PMS1: variants seen among roughly 807,000 people sequenced by gnomAD.
PMS1 encodes PMS1 protein homolog 1.
A neutral mutation model predicts 93.1 loss-of-function variants in PMS1; 79 were observed. The observed-to-expected ratio is 0.85, with a 90% CI of 0.71 to 1.02. The LOEUF (loss-of-function observed/expected upper bound fraction) is 1.02. PMS1 is among the 50% of genes least tolerant of loss of function. PMS1 has a pLI of 0.00. For missense variants in PMS1, 1,064 were observed against 1,085.3 expected (o/e 0.98, Z 0.28); for synonymous variants, 335 against 363.4 (o/e 0.92, Z 0.89).
At position 189,877,353 on chromosome 2, in the gene PMS1, C is replaced by G; in HGVS notation, c.2716C>G (p.His906Asp). The G allele has an allele frequency of 6.2e-7, 1 of 1,612,544 alleles. No individual in the cohort carries two copies. Among genetic ancestry groups the G allele is most frequent in the Admixed American group, 1.7e-5 (1 of 60,018 alleles). Residue 906 changes from histidine (H) to aspartate (D), a missense_variant, in exon 13 of 13, where the codon CAC becomes GAC. Transcript: ENST00000441310. The stretch of plus-strand genomic sequence containing the variant: ...CCAAGACATTATCTACAGAATGAAG[C>G]ACCAGTTTGGAAATGAAATTAAAGA... The part of the protein sequence containing the change: ...DIQDIIYRMK[H>D]QFGNEIKECV...
chr2:189,821,108 G>GGAAAAATAGAT (rs2051815920), intron 5 of PMS1, among the ~76,000 whole-genome samples: 1 of 151,822 alleles, frequency 6.6e-6, no homozygotes, highest in Admixed American at 6.6e-5. Context: ...TAATTAGGAA[G>GGAAAAATAGAT]GAAAAATAGA....
At chr2:189,796,312 C>G (rs1413146418) in intron 3 of PMS1, among the ~76,000 whole-genome samples, 1 of 152,236 alleles carries the variant, frequency 6.6e-6, no homozygotes, top group Middle Eastern at 3.4e-3. Flanking sequence ...GACCCGAGAT[C>G]ATGCCACTGC....
chr2:189,803,034 C>T (rs2050029763), intron 3 of PMS1, among the ~76,000 whole-genome samples: 1 of 152,104 alleles, frequency 6.6e-6, no homozygotes, highest in Admixed American at 6.5e-5. Context: ...CTTGCACAGG[C>T]AGGCAGGCAT....
At chr2:189,826,078 A>T (rs970754975) in intron 5 of PMS1, among the ~76,000 whole-genome samples, 2 of 152,198 alleles carry the variant, frequency 1.3e-5, no homozygotes, top group African/African-American at 4.8e-5. Flanking sequence ...CCCTGCACTC[A>T]TGATATTCTC....
chr2:189,854,083 G>T lies in PMS1; in HGVS notation c.966+1G>T. Reference sequence around the variant, plus strand: ...AAGCCAAGTATTATTACAAAATAAGGTAACTCTTTTCAGATAATTTTTTCT... The same window carrying T: ...AAGCCAAGTATTATTACAAAATAAGTTAACTCTTTTCAGATAATTTTTTCT... On this transcript the variant is annotated splice_donor_variant, in intron 8 of 12. Coordinates refer to ENST00000441310, the MANE Select transcript of PMS1 (RefSeq NM_000534.5). LOFTEE classifies it high-confidence loss of function. 1 of 1,577,072 alleles carries T rather than the reference G, an allele frequency of 6.3e-7. No individual in the cohort carries two copies. The highest frequency in any genetic ancestry group is 8.7e-7 in the Non-Finnish European group (1 of 1,155,090).
At chr2:189,807,963 G>A (rs754702856) in intron 4 of PMS1, among the ~76,000 whole-genome samples, 1 of 151,764 alleles carries the variant, frequency 6.6e-6, no homozygotes, top group Non-Finnish European at 1.5e-5. Context: ...TGTTCTTGGT[G>A]GACATATTAT....
rs1253993606 is a variant in PMS1, at chr2:189,864,711, T to A, written c.2342+483T>A. ...AAATATATATATATATATATATATA[T>A]ATATATATATATATATATATATATG... is the stretch of plus-strand genomic sequence containing the variant. On this transcript the variant is annotated intron_variant, in intron 10 of 12. Transcript: ENST00000441310. 1.3e-3 allele frequency among the ~76,000 whole-genome samples: 76 copies of A among 58,870 alleles called. 5 individuals carry two copies. The highest frequency in any genetic ancestry group is 3.4e-3 in the East Asian group (6 of 1,776). 38.6% of individuals were successfully genotyped at this position (58,870 alleles called of 152,430 possible).
At chr2:189,805,519 C>G (rs899257608) in intron 3 of PMS1, 133 bp from the exon 4 acceptor site, 1 of 766,004 alleles carries the variant, frequency 1.3e-6, no homozygotes, top group Non-Finnish European at 2.2e-6. Context: ...TACAAAAGAA[C>G]TGGTCACAAA....
At position 189,818,072 on chromosome 2, in the gene PMS1, T is replaced by A. The variant is rs369474547; in HGVS notation, c.474T>A (p.Phe158Leu). The change falls in exon 5 of 13, where the codon TTT (phenylalanine) becomes TTA (leucine). Residue 158 changes from phenylalanine (F) to leucine (L), a missense_variant. Coordinates refer to ENST00000441310, the MANE Select transcript of PMS1 (RefSeq NM_000534.5). Reference sequence around the variant, plus strand: ...AGAATCTACCTGTAAGAAAGCAGTTTTACTCAACTGCAAAAAAATGTAAAG... The same window carrying A: ...AGAATCTACCTGTAAGAAAGCAGTTATACTCAACTGCAAAAAAATGTAAAG... ...LFKNLPVRKQ[F>L]YSTAKKCKDE... 5.0e-6 allele frequency: 8 copies of A among 1,605,028 alleles called. No homozygotes were observed. Among genetic ancestry groups the A allele is most frequent in the Non-Finnish European group, 6.8e-6 (8 of 1,172,104 alleles).
Position 189,854,974 on chromosome 2 carries a change from A to C in PMS1, c.1702A>C (p.Asn568His), listed in dbSNP as rs1306259431. 4.3e-6 allele frequency: 7 copies of C among 1,613,198 alleles called. No individual in the cohort carries two copies. In the East Asian group the frequency reaches 1.6e-4, roughly 36 times the overall value. Residue 568 changes from asparagine (N) to histidine (H), a missense_variant, in exon 9 of 13, where the codon AAT becomes CAT. By Grantham distance (68) the Asn-to-His change is moderately conservative. Coordinates refer to ENST00000441310, the MANE Select transcript of PMS1 (RefSeq NM_000534.5). ...GKVTAYDLLS[N>H]RVIKKPMSAS... Reference sequence around the variant, plus strand: ...AGTTACAGCTTATGATTTACTTAGCAATCGAGTAATCAAGAAACCCATGTC... The same window carrying C: ...AGTTACAGCTTATGATTTACTTAGCCATCGAGTAATCAAGAAACCCATGTC...
chr2:189,815,754 T>G (rs750677500), intron 4 of PMS1, among the ~76,000 whole-genome samples: 1 of 152,228 alleles, frequency 6.6e-6, no homozygotes, highest in Admixed American at 6.5e-5. Flanking sequence ...CAAGCTACTG[T>G]TAGGCCTTCT....
intron 5 of PMS1, among the ~76,000 whole-genome samples, chr2:189,835,593 T>C (rs1400524722): frequency 6.6e-6 from 1 of 152,166 alleles, no homozygotes; most frequent in Non-Finnish European, 1.5e-5. Flanking sequence ...TAGATCTATT[T>C]ATAGTAACTT....
chr2:189,855,656 G>A (rs1173005295), intron 9 of PMS1, among the ~76,000 whole-genome samples: 1 of 151,674 alleles, frequency 6.6e-6, no homozygotes, highest in Non-Finnish European at 1.5e-5. Context: ...ATAACTTAAG[G>A]CTTGCTTCTA....
intron 3 of PMS1, 28 bp downstream of exon 3, chr2:189,795,979 T>G (rs766168430): frequency 2.1e-6 from 3 of 1,413,762 alleles, no homozygotes; most frequent in Admixed American, 1.7e-5. Context: ...GTTATTTTAG[T>G]GATTTCATAT....
At chr2:189,872,714 C>T (rs923930610) in intron 11 of PMS1, among the ~76,000 whole-genome samples, 1 of 152,168 alleles carries the variant, frequency 6.6e-6, no homozygotes, top group African/African-American at 2.4e-5. Context: ...CTCACTGCAA[C>T]CTGTGCCTCC....
intron 5 of PMS1, among the ~76,000 whole-genome samples, chr2:189,820,539 A>G (rs2051753093): frequency 6.6e-6 from 1 of 151,904 alleles, no homozygotes; most frequent in African/African-American, 2.4e-5. Context: ...CTGAGCTTTC[A>G]AGCAATGCAC....
At chr2:189,869,941 C>T (rs751503091) in intron 11 of PMS1, among the ~76,000 whole-genome samples, 5 of 151,910 alleles carry the variant, frequency 3.3e-5, no homozygotes, top group Admixed American at 6.6e-5. Context: ...TTATATCTCA[C>T]AGATGCTTTC....
chr2:189,788,947 T>C (rs1171292547), intron 1 of PMS1, among the ~76,000 whole-genome samples: 1 of 152,100 alleles, frequency 6.6e-6, no homozygotes, highest in Non-Finnish European at 1.5e-5. Flanking sequence ...CAGCACTAAT[T>C]TGTGTGAATG....
Position 189,815,946 on chromosome 2 carries a change from C to T in PMS1, c.419-2071C>T, listed in dbSNP as rs10198268. Among the ~76,000 whole-genome samples, 1,278 of 152,262 alleles carry T rather than the reference C, an allele frequency of 8.4e-3. 14 individuals are homozygous for T. Among genetic ancestry groups the T allele is most frequent in the African/African-American group, 0.029 (1,197 of 41,542 alleles). On this transcript the variant is annotated intron_variant, in intron 4 of 12. Coordinates refer to ENST00000441310, the MANE Select transcript of PMS1 (RefSeq NM_000534.5). ...AGAAACAGGGTTTTGTTCTGTCACC[C>T]GGGCTTGAGTGCAGTGGCACAGTCA...
Sources: allele counts gnomAD v4.1 joint callset (sites outside exome capture counted in the v4.1 genomes callset), GRCh38; gene constraint gnomAD v4.1.1; transcripts MANE v1.5; gene names NCBI Gene and HGNC (gene_info 2026-07-23, HGNC 2026-07-21).